The following ARHGAP8 variants were observed in gnomAD, a reference collection of about 807,000 sequenced individuals.
The protein encoded by ARHGAP8 is Rho GTPase activating protein 8.
In ARHGAP8, 62 loss-of-function variants were observed where a neutral mutation model predicts 46.1. The observed-to-expected ratio is 1.34, with a 90% CI of 1.10 to 1.66. The LOEUF is 1.66. Among genes scored for constraint, ARHGAP8 ranks in the 40% most tolerant of loss-of-function variants. The probability of loss-of-function intolerance (pLI) is 0.00; values close to 1 mark genes in which losing one functional copy is unlikely to be tolerated. For missense variants in ARHGAP8, 923 were observed against 568.4 expected, an observed-to-expected ratio of 1.62 and a Z score of -6.34; for synonymous variants, 375 against 243.1, an observed-to-expected ratio of 1.54 and a Z score of -5.05.
At chr22:44,845,482 T>C in intron 8 of ARHGAP8, 140 bp downstream of exon 8, 1 of 1,146,064 alleles carries the variant, frequency 8.7e-7, no homozygotes, top group Middle Eastern at 2.9e-4. Context: ...TGGCTCCAGG[T>C]CTGGGCTCTG....
chr22:44,862,576 C>T lies in ARHGAP8; in HGVS notation c.1283C>T (p.Ala428Val), dbSNP rs781425132. Residue 428 changes from alanine to valine, a missense_variant, in exon 12 of 12, where the codon GCA (alanine) becomes GTA (valine). Coordinates refer to ENST00000356099, the MANE Select transcript of ARHGAP8 (RefSeq NM_181335.3). ...KPTLPPSPLM[A>V]ARRRL ...ACCCTACCTCCGAGTCCCCTGATGG[C>T]AGCCAGAAGACGTCTCTAGTGTTGC... 9 of 1,588,772 alleles carry T rather than the reference C, an allele frequency of 5.7e-6. No individual in the cohort carries two copies. Among genetic ancestry groups the T allele is most frequent in the South Asian group, 1.1e-5 (1 of 89,248 alleles).
At chr22:44,773,450 C>T (rs1926188826) in intron 1 of ARHGAP8, among the ~76,000 whole-genome samples, 1 of 152,142 alleles carries the variant, frequency 6.6e-6, no homozygotes, top group Non-Finnish European at 1.5e-5. Flanking sequence ...TCCCAAAAGA[C>T]CCTAAATAGC....
At chr22:44,859,967 T>A in intron 11 of ARHGAP8, 133 bp downstream of exon 11, 1 of 1,092,872 alleles carries the variant, frequency 9.2e-7, no homozygotes, top group Non-Finnish European at 1.3e-6. Context: ...TACCACTCCC[T>A]GCCCCCCAAG....
chr22:44,757,903 C>G (rs1159805110), intron 1 of ARHGAP8, among the ~76,000 whole-genome samples: 1 of 151,742 alleles, frequency 6.6e-6, no homozygotes, highest in African/African-American at 2.4e-5. Flanking sequence ...ATCTGCCCAC[C>G]CTAGGCTTCC....
chr22:44,780,594 G>A (rs567735790), intron 1 of ARHGAP8, among the ~76,000 whole-genome samples: 5 of 130,168 alleles, frequency 3.8e-5, no homozygotes, highest in African/African-American at 7.7e-5. Flanking sequence ...CCAGGGAGGC[G>A]GAGGTTGCAT....
Position 44,807,421 on chromosome 22 carries a change from G to T in ARHGAP8, c.168-886G>T, listed in dbSNP as rs976071280. On this transcript the variant is annotated intron_variant, in intron 3 of 11. Coordinates refer to ENST00000356099, the MANE Select transcript of ARHGAP8 (RefSeq NM_181335.3). ...CCATAGGGGGTGGCGGGCGACAGAC[G>T]CAGAGCACAGTGTCAGGACTCTGGC... Among the ~76,000 whole-genome samples, 5 of 147,994 alleles carry T rather than the reference G, an allele frequency of 3.4e-5. No homozygotes were observed. The East Asian group carries it at 9.6e-4, about 29-fold the overall frequency.
intron 7 of ARHGAP8, among the ~76,000 whole-genome samples, chr22:44,840,630 T>C (rs2147150553): frequency 6.6e-6 from 1 of 152,340 alleles, no homozygotes; most frequent in Non-Finnish European, 1.5e-5. Flanking sequence ...CAAGTAACTG[T>C]AGCTCGCTGG....
chr22:44,827,950 C>T (rs1441601998), intron 7 of ARHGAP8, among the ~76,000 whole-genome samples: 4 of 152,158 alleles, frequency 2.6e-5, no homozygotes, highest in African/African-American at 9.7e-5. Context: ...TGGACGAGGT[C>T]TGCACGGTCC....
chr22:44,859,835 G>T lies in ARHGAP8; in HGVS notation c.981+1G>T, dbSNP rs753268729. ...CTACCTCATGGGCTTCCTGCATGCG[G>T]TGAGTGGGGAAGGGGGGAGCTTGGG... On this transcript the variant is annotated splice_donor_variant, in intron 11 of 11. Transcript: ENST00000356099. LOFTEE classifies it high-confidence loss of function. 2 of 1,613,286 alleles carry T rather than the reference G, an allele frequency of 1.2e-6. No individual in the cohort carries two copies. Among genetic ancestry groups the T allele is most frequent in the African/African-American group, 2.7e-5 (2 of 74,908 alleles).
chr22:44,762,837 C>T (rs1413725003), intron 1 of ARHGAP8, among the ~76,000 whole-genome samples: 1 of 152,128 alleles, frequency 6.6e-6, no homozygotes, highest in East Asian at 1.9e-4. Context: ...AGCCACCGTT[C>T]CCAGCGATTA....
chr22:44,772,585 A>C (rs914331471), intron 1 of ARHGAP8, among the ~76,000 whole-genome samples: 3 of 151,766 alleles, frequency 2.0e-5, no homozygotes, highest in African/African-American at 7.3e-5. Flanking sequence ...TTGATTTGTT[A>C]ATATTTTGTT....
intron 1 of ARHGAP8, among the ~76,000 whole-genome samples, chr22:44,763,757 C>A (rs570982820): frequency 6.7e-6 from 1 of 148,606 alleles, no homozygotes; most frequent in Non-Finnish European, 1.5e-5. Context: ...CCAGACAAGG[C>A]GGAATCGGTG....
At position 44,862,190 on chromosome 22, in the gene ARHGAP8, G is replaced by T. The variant is rs74652584; in HGVS notation, c.982-85G>T. On this transcript the variant is annotated intron_variant, in intron 11 of 11. Transcript: ENST00000356099. ...CCAGTGCTCCTCTCACTACACCTAC[G>T]CCTCTCCCTAAGTTCGGGAGGGAGT... 327 of 1,489,080 alleles carry T rather than the reference G, an allele frequency of 2.2e-4. No individual in the cohort carries two copies. The African/African-American group carries it at 4.1e-3, about 19-fold the overall frequency. 92.2% of individuals were successfully genotyped at this position (1,489,080 alleles called of 1,614,324 possible).
chr22:44,813,910 G>T (rs1023880797), intron 4 of ARHGAP8, among the ~76,000 whole-genome samples: 1 of 152,098 alleles, frequency 6.6e-6, no homozygotes, highest in African/African-American at 2.4e-5. Flanking sequence ...TTGACAGCCC[G>T]TGTGAGTGGA....
intron 6 of ARHGAP8, among the ~76,000 whole-genome samples, chr22:44,823,790 C>A (rs148773557): frequency 6.6e-6 from 1 of 152,066 alleles, no homozygotes; most frequent in Non-Finnish European, 1.5e-5. Flanking sequence ...CTGTGAAACA[C>A]GCAGCTCCGG....
At chr22:44,858,463 G>C (rs1432430884) in intron 10 of ARHGAP8, among the ~76,000 whole-genome samples, 1 of 145,628 alleles carries the variant, frequency 6.9e-6, no homozygotes, top group Non-Finnish European at 1.5e-5. Flanking sequence ...TGTCTTCTGA[G>C]TTCAAGCAAT....
intron 1 of ARHGAP8, among the ~76,000 whole-genome samples, chr22:44,756,273 G>A (rs893246984): frequency 6.6e-6 from 1 of 152,016 alleles, no homozygotes; most frequent in Non-Finnish European, 1.5e-5. Flanking sequence ...ACTCAGACGG[G>A]GCAGTGGGTT....
chr22:44,811,833 T>C (rs921132856), intron 4 of ARHGAP8, among the ~76,000 whole-genome samples: 46 of 151,946 alleles, frequency 3.0e-4, no homozygotes, highest in Admixed American at 2.0e-3. Context: ...CCATCTCTAC[T>C]AAAAATACAA....
At chr22:44,820,772 G>A (rs1019511663) in intron 5 of ARHGAP8, among the ~76,000 whole-genome samples, 2 of 152,136 alleles carry the variant, frequency 1.3e-5, no homozygotes, top group Admixed American at 6.6e-5. Context: ...CTCAGCCCCC[G>A]GGTCCGATTC....
Sources: allele counts gnomAD v4.1 joint callset (sites outside exome capture counted in the v4.1 genomes callset), GRCh38; gene constraint gnomAD v4.1.1; transcripts MANE v1.5; gene names NCBI Gene and HGNC (gene_info 2026-07-23, HGNC 2026-07-21).